TCF12: variants seen among roughly 807,000 people sequenced by gnomAD.
TCF12 encodes transcription factor 12.
TCF12 carries 45 observed loss-of-function variants against 86.0 expected under a neutral mutation model. The observed-to-expected ratio is 0.52, with a 90% CI of 0.41 to 0.67. The LOEUF is 0.67. TCF12 is among the 30% of genes least tolerant of loss of function. The probability of loss-of-function intolerance (pLI) is 0.00; values close to 1 mark genes in which losing one functional copy is unlikely to be tolerated. For missense variants in TCF12, 881 were observed against 859.9 expected (o/e 1.02, Z -0.31); for synonymous variants, 330 against 299.6 (o/e 1.10, Z -1.05).
chr15:57,208,057 A>G (rs1030201652), intron 8 of TCF12, among the ~76,000 whole-genome samples: 12 of 148,712 alleles, frequency 8.1e-5, no homozygotes, highest in South Asian at 2.1e-4. Context: ...TTTTAAAGAC[A>G]GAGTATTGCT....
rs745425063 is a variant in TCF12 at position 56,921,014 on chromosome 15, G to A, written c.76-12G>A. The A allele has an allele frequency of 1.3e-6, 2 of 1,587,814 alleles. No homozygotes were observed. The highest frequency in any genetic ancestry group is 1.7e-6 in the Non-Finnish European group (2 of 1,166,990). ...TTTCAGGACTAACAGATATATTTGG[G>A]TTATTTTGCAGATGTTTTCCCCACC... On this transcript the variant is annotated splice_polypyrimidine_tract_variant and intron_variant, in intron 2 of 20. Coordinates refer to ENST00000333725, the MANE Select transcript of TCF12 (RefSeq NM_207037.2).
chr15:57,273,090 G>A lies in TCF12; in HGVS notation c.1806G>A (p.Arg602=). 4 of 1,614,224 alleles carry A rather than the reference G, an allele frequency of 2.5e-6. No homozygotes were observed. The highest frequency in any genetic ancestry group is 3.4e-6 in the Non-Finnish European group (4 of 1,180,036). The change falls in exon 19 of 21, where the codon AGG becomes AGA. Residue 602 remains arginine, a synonymous_variant. Transcript: ENST00000333725. ...PEQKIEREKE[R]RMANNARERL... is the part of the protein sequence containing the mutation. ...AGAAGATAGAAAGGGAGAAGGAGAG[G>A]CGGATGGCTAACAATGCCAGAGAAC... is the stretch of plus-strand genomic sequence containing the variant.
chr15:57,041,051 T>G (rs1164536829), intron 3 of TCF12, among the ~76,000 whole-genome samples: 5 of 152,208 alleles, frequency 3.3e-5, no homozygotes, highest in Non-Finnish European at 7.3e-5. Flanking sequence ...CTTTAACAAA[T>G]TAAGCTATCA....
chr15:57,256,038 A>G (rs908250380), intron 16 of TCF12, among the ~76,000 whole-genome samples: 8 of 152,178 alleles, frequency 5.3e-5, no homozygotes, highest in Non-Finnish European at 1.2e-4. Context: ...TAGTACTTTT[A>G]GTAGTGGAGA....
chr15:56,952,175 CT>C (rs1194648186), intron 3 of TCF12, among the ~76,000 whole-genome samples: 2 of 64,388 alleles, frequency 3.1e-5, no homozygotes, highest in African/African-American at 6.2e-5. Flanking sequence ...ATAAAAAAGG[CT>C]TTTTTGTGTA....
chr15:57,247,786 C>T (rs1419141314), intron 13 of TCF12: 2 of 748,200 alleles, frequency 2.7e-6, no homozygotes, highest in South Asian at 1.4e-5. Flanking sequence ...CTGCCTCCAC[C>T]TCTTCAACAC....
chr15:56,975,025 T>A (rs1185363268), intron 3 of TCF12, among the ~76,000 whole-genome samples: 1 of 152,170 alleles, frequency 6.6e-6, no homozygotes, highest in African/African-American at 2.4e-5. Context: ...ATATATTTGG[T>A]TTAATTTTAT....
chr15:57,109,983 A>G (rs1201874939), intron 5 of TCF12, among the ~76,000 whole-genome samples: 2 of 152,168 alleles, frequency 1.3e-5, no homozygotes, highest in African/African-American at 2.4e-5. Context: ...AAATAGTTCT[A>G]ATATTTCTAA....
At chr15:57,134,746 G>A (rs893513347) in intron 5 of TCF12, among the ~76,000 whole-genome samples, 25 of 152,010 alleles carry the variant, frequency 1.6e-4, no homozygotes, top group Non-Finnish European at 3.7e-4. Flanking sequence ...ATGGAAAACT[G>A]ATGCCATTAA....
At chr15:57,277,637 A>G (rs905332435) in intron 19 of TCF12, among the ~76,000 whole-genome samples, 1 of 151,806 alleles carries the variant, frequency 6.6e-6, no homozygotes, top group Non-Finnish European at 1.5e-5. Context: ...CAAAAAAAAA[A>G]AAAAAAAAAA....
At chr15:57,221,613 C>T (rs1287765040) in intron 8 of TCF12, among the ~76,000 whole-genome samples, 2 of 151,736 alleles carry the variant, frequency 1.3e-5, no homozygotes, top group Non-Finnish European at 2.9e-5. Context: ...TGGTAGAGAG[C>T]CTGGAAAAAT....
chr15:57,052,139 T>C (rs2067673978), intron 3 of TCF12, among the ~76,000 whole-genome samples: 1 of 152,248 alleles, frequency 6.6e-6, no homozygotes, highest in African/African-American at 2.4e-5. Context: ...TGCTTACATA[T>C]GTACACTCAT....
chr15:57,112,875 A>G (rs1263945412), intron 5 of TCF12, among the ~76,000 whole-genome samples: 1 of 152,256 alleles, frequency 6.6e-6, no homozygotes, highest in Non-Finnish European at 1.5e-5. Flanking sequence ...ATTAAGCTAT[A>G]GTAATATAGA....
intron 5 of TCF12, among the ~76,000 whole-genome samples, chr15:57,164,716 T>C (rs1281183448): frequency 6.6e-6 from 1 of 152,194 alleles, no homozygotes; most frequent in Non-Finnish European, 1.5e-5. Context: ...AGTCTCACCC[T>C]GTCACCCAGG....
At chr15:57,216,913 A>G (rs1032123589) in intron 8 of TCF12, among the ~76,000 whole-genome samples, 2 of 152,110 alleles carry the variant, frequency 1.3e-5, no homozygotes, top group Admixed American at 6.6e-5. Context: ...TATGTAGATT[A>G]CCACCAGTTT....
chr15:57,232,819 A>T lies in TCF12; in HGVS notation c.933A>T (p.Ser311=). ...STSSSPYVAA[S]HTPPINGSDS... Reference sequence around the variant, plus strand: ...GCAGTTCACCTTACGTTGCTGCCTCACACACTCCTCCCATCAATGGATCAG... The same window carrying T: ...GCAGTTCACCTTACGTTGCTGCCTCTCACACTCCTCCCATCAATGGATCAG... Residue 311 remains serine (S), a synonymous_variant, in exon 11 of 21, where the codon TCA becomes TCT. Transcript: ENST00000333725. The T allele has an allele frequency of 6.2e-7, 1 of 1,611,244 alleles. No individual in the cohort carries two copies. The highest frequency in any genetic ancestry group is 8.5e-7 in the Non-Finnish European group (1 of 1,178,658).
At chr15:57,189,267 C>CAATTTTAAT (rs1176757081) in intron 6 of TCF12, among the ~76,000 whole-genome samples, 5 of 152,168 alleles carry the variant, frequency 3.3e-5, no homozygotes, top group African/African-American at 1.2e-4. Flanking sequence ...TTGAAAACTT[C>CAATTTTAAT]TGTACATCAA....
chr15:57,231,099 A>G (rs1228932375), intron 8 of TCF12, 53 bp from the exon 9 acceptor site: 2 of 1,392,078 alleles, frequency 1.4e-6, no homozygotes, highest in African/African-American at 2.8e-5. Flanking sequence ...CATTTTACAT[A>G]AGTAATATGA....
At chr15:57,232,993 G>A in intron 11 of TCF12, 137 bp downstream of exon 11, 1 of 480,620 alleles carries the variant, frequency 2.1e-6, no homozygotes, top group Non-Finnish European at 2.9e-6. Flanking sequence ...GTATATGTGT[G>A]TTATATGTAT....
Sources: allele counts gnomAD v4.1 joint callset (sites outside exome capture counted in the v4.1 genomes callset), GRCh38; gene constraint gnomAD v4.1.1; transcripts MANE v1.5; gene names NCBI Gene and HGNC (gene_info 2026-07-23, HGNC 2026-07-21).